The following BCKDHA variants were observed in gnomAD, a reference collection of about 807,000 sequenced individuals.
BCKDHA encodes 2-oxoisovalerate dehydrogenase subunit alpha, mitochondrial.
In BCKDHA, 43 loss-of-function variants were observed where a neutral mutation model predicts 52.2. That is an observed-to-expected ratio of 0.82 (90% CI 0.64 to 1.06). The LOEUF (loss-of-function observed/expected upper bound fraction) is 1.06. BCKDHA is among the 50% of genes least tolerant of loss of function. BCKDHA has a pLI of 0.00. For missense variants in BCKDHA, 527 were observed against 621.3 expected (o/e 0.85, Z 1.61); for synonymous variants, 234 against 247.9 (o/e 0.94, Z 0.53).
chr19:41,404,090 G>A (rs1048588820), intron 1 of BCKDHA, among the ~76,000 whole-genome samples: 34 of 148,656 alleles, frequency 2.3e-4, no homozygotes, highest in Admixed American at 2.1e-3. Context: ...AGCGATTCTC[G>A]TGCCTCAGTC....
chr19:41,408,842 C>G (rs1274134865), intron 1 of BCKDHA, among the ~76,000 whole-genome samples: 1 of 152,038 alleles, frequency 6.6e-6, no homozygotes, highest in African/African-American at 2.4e-5. Flanking sequence ...CCTGGGCTCA[C>G]CTGGGCTCAA....
At position 41,414,131 on chromosome 19, in the gene BCKDHA, T is replaced by A; in HGVS notation, c.458T>A (p.Leu153Gln). Residue 153 changes from leucine (L) to glutamine (Q), a missense_variant, in exon 4 of 9, where the codon CTG becomes CAG. By Grantham distance (113) the Leu-to-Gln change is moderately radical. Coordinates refer to ENST00000269980, the MANE Select transcript of BCKDHA (RefSeq NM_000709.4). ...GSAAALDNTD[L>Q]VFGQYREAGV... is the part of the protein sequence containing the mutation. Reference sequence around the variant, plus strand: ...GCCGCCGCCCTGGACAACACGGACCTGGTGTTTGGCCAGTACCGGGAGGCA... The same window carrying A: ...GCCGCCGCCCTGGACAACACGGACCAGGTGTTTGGCCAGTACCGGGAGGCA... 6.2e-7 allele frequency: 1 copy of A among 1,613,680 alleles called. No individual in the cohort carries two copies. The highest frequency in any genetic ancestry group is 1.1e-5 in the South Asian group (1 of 91,092).
intron 1 of BCKDHA, among the ~76,000 whole-genome samples, chr19:41,402,111 T>C (rs1207203541): frequency 6.6e-6 from 1 of 152,158 alleles, no homozygotes; most frequent in Non-Finnish European, 1.5e-5. Context: ...AACTCCCCTT[T>C]ATAAAACCAT....
chr19:41,418,080 A>C (rs1242062551), intron 4 of BCKDHA, among the ~76,000 whole-genome samples: 1 of 132,756 alleles, frequency 7.5e-6, no homozygotes, highest in Non-Finnish European at 1.6e-5. Context: ...TGGCCAAGCC[A>C]GACTCTGTCT....
intron 5 of BCKDHA, among the ~76,000 whole-genome samples, chr19:41,421,011 C>G (rs2039358437): frequency 6.6e-6 from 1 of 152,162 alleles, no homozygotes; most frequent in African/African-American, 2.4e-5. Context: ...GCAGGAGGCT[C>G]CACACCCCTT....
intron 3 of BCKDHA, among the ~76,000 whole-genome samples, chr19:41,413,154 C>T (rs2123258491): frequency 6.6e-6 from 1 of 152,292 alleles, no homozygotes; most frequent in South Asian, 2.1e-4. Flanking sequence ...GCTGCATGTC[C>T]AAGCTTCATG....
At chr19:41,422,912 TC>T (rs1386566054) in intron 7 of BCKDHA, 85 bp from the exon 8 acceptor site, 20 of 1,571,900 alleles carry the variant, frequency 1.3e-5, no homozygotes, top group Non-Finnish European at 1.6e-5. Context: ...TTTCCACTCC[TC>T]CTTCCCTAGT....
At chr19:41,414,213 T>G (rs2039286181) in intron 4 of BCKDHA, 56 bp downstream of exon 4, 1 of 1,501,554 alleles carries the variant, frequency 6.7e-7, no homozygotes, top group Non-Finnish European at 9.2e-7. Context: ...CACTTTAGTT[T>G]TTCTGAGTGT....
chr19:41,411,039 G>T (rs748582297), intron 3 of BCKDHA, 30 bp downstream of exon 3: 1 of 1,609,882 alleles, frequency 6.2e-7, no homozygotes, highest in Non-Finnish European at 8.5e-7. Flanking sequence ...GGGGCGGGGG[G>T]CTGGAATTAC....
chr19:41,403,062 A>G (rs531886421), intron 1 of BCKDHA, among the ~76,000 whole-genome samples: 26 of 152,240 alleles, frequency 1.7e-4, no homozygotes, highest in Admixed American at 8.5e-4. Context: ...CCTTCAGATG[A>G]TGGCTGACAT....
chr19:41,411,828 A>T (rs916455516), intron 3 of BCKDHA, among the ~76,000 whole-genome samples: 2 of 152,088 alleles, frequency 1.3e-5, no homozygotes, highest in Non-Finnish European at 2.9e-5. Flanking sequence ...GCTCTTACCC[A>T]CGCTAACCTG....
At chr19:41,403,570 G>A (rs867189847) in intron 1 of BCKDHA, among the ~76,000 whole-genome samples, 1 of 152,318 alleles carries the variant, frequency 6.6e-6, no homozygotes. Flanking sequence ...TGGAGCCTTG[G>A]TTTTTCCCTA....
At chr19:41,422,061 C>A in intron 5 of BCKDHA, 103 bp from the exon 6 acceptor site, 1 of 1,163,650 alleles carries the variant, frequency 8.6e-7, no homozygotes, top group Non-Finnish European at 1.2e-6. Context: ...AGCCTGGTGA[C>A]TGCTGGCCTG....
intron 4 of BCKDHA, 98 bp downstream of exon 4, chr19:41,414,255 C>A (rs2122122807): frequency 8.3e-7 from 1 of 1,207,004 alleles, no homozygotes; most frequent in South Asian, 1.3e-5. Flanking sequence ...CCAGGAAGGT[C>A]TAAGGAGCTG....
intron 5 of BCKDHA, among the ~76,000 whole-genome samples, chr19:41,421,673 G>C (rs1318390972): frequency 6.6e-6 from 1 of 152,154 alleles, no homozygotes; most frequent in Admixed American, 6.5e-5. Flanking sequence ...GCCTGTTGCA[G>C]GGATGTCGAC....
At position 41,413,369 on chromosome 19, in the gene BCKDHA, A is replaced by G. The variant is rs144749475; in HGVS notation, c.376-680A>G. ...AGGTTAGGGGATTTGGGAGAAGGGA[A>G]CTGGGCACTGGTGTGGCCAGCTGAC... On this transcript the variant is annotated intron_variant, in intron 3 of 8. Coordinates refer to ENST00000269980, the MANE Select transcript of BCKDHA (RefSeq NM_000709.4). Among the ~76,000 whole-genome samples the G allele has an allele frequency of 4.1e-3, 625 of 152,288 alleles. 3 individuals carry two copies. The highest frequency in any genetic ancestry group is 0.014 in the African/African-American group (570 of 41,582).
intron 4 of BCKDHA, among the ~76,000 whole-genome samples, chr19:41,417,882 G>A (rs988457899): frequency 4.0e-5 from 6 of 151,056 alleles, no homozygotes; most frequent in Non-Finnish European, 8.8e-5. Context: ...CCAAGATTGC[G>A]CCATTGCATT....
At chr19:41,401,546 C>G (rs2039139255) in intron 1 of BCKDHA, among the ~76,000 whole-genome samples, 1 of 152,164 alleles carries the variant, frequency 6.6e-6, no homozygotes, top group Admixed American at 6.6e-5. Context: ...TCTGCCCACT[C>G]CTTCATTGAA....
chr19:41,408,940 C>T (rs1488428540), intron 1 of BCKDHA, among the ~76,000 whole-genome samples: 1 of 151,944 alleles, frequency 6.6e-6, no homozygotes, highest in Non-Finnish European at 1.5e-5. Context: ...GAAGGACACA[C>T]TATTCCTTGC....
Sources: allele counts gnomAD v4.1 joint callset (sites outside exome capture counted in the v4.1 genomes callset), GRCh38; gene constraint gnomAD v4.1.1; transcripts MANE v1.5; gene names NCBI Gene and HGNC (gene_info 2026-07-23, HGNC 2026-07-21).